Variants in EYS observed in about 807,000 individuals in gnomAD.
EYS encodes the protein EGF-like photoreceptor maintenance factor, also known as protein eyes shut homolog.
EYS carries 250 observed loss-of-function variants against 282.1 expected under a neutral mutation model. The observed-to-expected ratio is 0.89, with a 90% CI of 0.80 to 0.98. The LOEUF is 0.98. Ranked by LOEUF, EYS falls within the 50% of genes least tolerant of loss-of-function variation. The pLI is 0.00. For synonymous variants in EYS, 1,355 were observed against 1,282.9 expected (o/e 1.06, Z -1.20); for missense variants, 4,016 against 3,709.0 (o/e 1.08, Z -2.15).
chr6:64,824,414 A>T (rs559165448), intron 19 of EYS, among the ~76,000 whole-genome samples: 14 of 152,104 alleles, frequency 9.2e-5, no homozygotes, highest in Non-Finnish European at 1.9e-4. Context: ...ATGATAGAGT[A>T]TAGGCATGCA....
chr6:64,313,204 GA>G, intron 29 of EYS, among the ~76,000 whole-genome samples: 1 of 152,248 alleles, frequency 6.6e-6, no homozygotes, highest in South Asian at 2.1e-4. Flanking sequence ...TGATGGAGCT[GA>G]AAAACACAGC....
intron 33 of EYS, among the ~76,000 whole-genome samples, chr6:64,004,085 G>C (rs1365175695): frequency 6.6e-6 from 1 of 152,088 alleles, no homozygotes; most frequent in Non-Finnish European, 1.5e-5. Flanking sequence ...ACTTATGTTA[G>C]ACATTTTTTG....
chr6:64,923,019 T>C (rs919120716), intron 15 of EYS, among the ~76,000 whole-genome samples: 1 of 152,158 alleles, frequency 6.6e-6, no homozygotes, highest in African/African-American at 2.4e-5. Flanking sequence ...TTACTTTTTT[T>C]GGGGTGGGAC....
At chr6:64,769,970 T>G (rs1204608443) in intron 22 of EYS, among the ~76,000 whole-genome samples, 2 of 152,002 alleles carry the variant, frequency 1.3e-5, no homozygotes, top group Non-Finnish European at 2.9e-5. Flanking sequence ...TGTAAATATA[T>G]ATAAATATAA....
At position 64,591,826 on chromosome 6, in the gene EYS, A is replaced by G; in HGVS notation, c.4041T>C (p.Ser1347=). 1 of 1,551,312 alleles carries G rather than the reference A, an allele frequency of 6.4e-7. No homozygotes were observed. Among genetic ancestry groups the G allele is most frequent in the Non-Finnish European group, 8.7e-7 (1 of 1,146,726 alleles). ...GAATACCAAAATTCAGGAATCGAGAAGAGGAAACATCTGCGGAAGAAAGAA... is the reference window on the plus strand; with the variant it reads ...GAATACCAAAATTCAGGAATCGAGAGGAGGAAACATCTGCGGAAGAAAGAA... ...HSLLSSADVS[S]SRFLNFGIRD... The change falls in exon 26 of 43, where the codon TCT becomes TCC. Residue 1347 remains serine (S), a synonymous_variant. Coordinates refer to ENST00000503581, the MANE Select transcript of EYS (RefSeq NM_001142800.2).
At chr6:64,965,908 G>T (rs147889893) in intron 14 of EYS, among the ~76,000 whole-genome samples, 9 of 151,980 alleles carry the variant, frequency 5.9e-5, no homozygotes, top group Non-Finnish European at 1.2e-4. Context: ...AAAAGGCAGC[G>T]ACTTTAAGAA....
chr6:63,769,401 T>C (rs757269346), intron 40 of EYS, among the ~76,000 whole-genome samples: 15 of 152,022 alleles, frequency 9.9e-5, no homozygotes, highest in Admixed American at 3.3e-4. Flanking sequence ...CACATGCACC[T>C]GGCATACAAT....
intron 31 of EYS, among the ~76,000 whole-genome samples, chr6:64,097,681 C>G (rs1415466235): frequency 6.6e-6 from 1 of 152,134 alleles, no homozygotes; most frequent in Admixed American, 6.5e-5. Context: ...GAAGGGAATT[C>G]CCTGACCCCT....
At chr6:64,465,631 A>C (rs2150488453) in intron 26 of EYS, among the ~76,000 whole-genome samples, 1 of 152,240 alleles carries the variant, frequency 6.6e-6, no homozygotes, top group African/African-American at 2.4e-5. Context: ...TAAGACCTGA[A>C]ACTGTAAAAT....
At chr6:64,156,262 G>C (rs1234521888) in intron 31 of EYS, among the ~76,000 whole-genome samples, 1 of 151,976 alleles carries the variant, frequency 6.6e-6, no homozygotes, top group Non-Finnish European at 1.5e-5. Context: ...TTTTATCAGA[G>C]GTTTCTGCTT....
At chr6:64,200,820 T>A (rs1447138514) in intron 31 of EYS, among the ~76,000 whole-genome samples, 2 of 152,114 alleles carry the variant, frequency 1.3e-5, no homozygotes, top group Non-Finnish European at 2.9e-5. Context: ...TATATAAACA[T>A]TAGTCCACAC....
chr6:63,924,578 G>T (rs919014874), intron 35 of EYS, among the ~76,000 whole-genome samples: 8 of 152,158 alleles, frequency 5.3e-5, no homozygotes, highest in Non-Finnish European at 1.0e-4. Context: ...AACTATTTTT[G>T]GGGGGTTATC....
intron 31 of EYS, among the ~76,000 whole-genome samples, chr6:64,119,705 CT>C (rs1437399189): frequency 6.6e-6 from 1 of 152,110 alleles, no homozygotes; most frequent in African/African-American, 2.4e-5. Flanking sequence ...TTTAATTCAA[CT>C]TTTTTATTTG....
intron 24 of EYS, among the ~76,000 whole-genome samples, chr6:64,613,502 G>T (rs1258241445): frequency 1.3e-5 from 2 of 152,076 alleles, no homozygotes; most frequent in Non-Finnish European, 2.9e-5. Context: ...ACTCTTCTTA[G>T]ATTTTTAAGA....
At chr6:64,792,112 G>C (rs1236730292) in intron 22 of EYS, among the ~76,000 whole-genome samples, 1 of 151,394 alleles carries the variant, frequency 6.6e-6, no homozygotes, top group Non-Finnish European at 1.5e-5. Context: ...CACACTTTTG[G>C]GTATTCAAAC....
chr6:64,918,043 C>T (rs1046104958), intron 15 of EYS, among the ~76,000 whole-genome samples: 2 of 151,858 alleles, frequency 1.3e-5, no homozygotes, highest in African/African-American at 4.8e-5. Flanking sequence ...ATTGTTTTGT[C>T]TATTAACCTA....
intron 26 of EYS, among the ~76,000 whole-genome samples, chr6:64,518,214 G>C (rs1396328276): frequency 2.0e-5 from 3 of 151,750 alleles, no homozygotes; most frequent in Admixed American, 1.3e-4. Context: ...TCTCTATGCA[G>C]TCTAAGAAAT....
Position 64,912,649 on chromosome 6 carries a change from C to T in EYS, c.2476G>A (p.Glu826Lys). The change falls in exon 16 of 43, where the codon GAA (glutamate) becomes AAA (lysine). Residue 826 changes from glutamate to lysine, a missense_variant. By Grantham distance (56) the Glu-to-Lys change is moderately conservative. Coordinates refer to ENST00000503581, the MANE Select transcript of EYS (RefSeq NM_001142800.2). ...DPCMNGGLCH[E>K]STIPGQFVCL... Reference sequence around the variant, plus strand: ...ACAAATTGTCCAGGGATGGTAGATTCATGACAAAGACCTCCATTCATGCAT... The same window carrying T: ...ACAAATTGTCCAGGGATGGTAGATTTATGACAAAGACCTCCATTCATGCAT... 6.5e-7 allele frequency: 1 copy of T among 1,549,288 alleles called. No individual in the cohort carries two copies. Among genetic ancestry groups the T allele is most frequent in the Middle Eastern group, 1.7e-4 (1 of 5,978 alleles).
At position 65,673,454 on chromosome 6, in the gene EYS, G is replaced by A. The variant is rs1290990709; in HGVS notation, c.-447-33562C>T. 4.6e-5 allele frequency among the ~76,000 whole-genome samples: 7 copies of A among 152,202 alleles called. No homozygotes were observed. In the East Asian group the frequency reaches 1.4e-3, roughly 30 times the overall value. On this transcript the variant is annotated intron_variant, in intron 1 of 42. Coordinates refer to ENST00000503581, the MANE Select transcript of EYS (RefSeq NM_001142800.2). The stretch of plus-strand genomic sequence containing the variant: ...AACAGAAGATACAAGGTCTGAATAA[G>A]AGAAAGAGAAAAACAGGTATTTAAG...
Sources: gnomAD v4.1 joint callset for allele counts (sites outside exome capture counted in the v4.1 genomes callset) on GRCh38, gnomAD v4.1.1 for gene constraint, MANE v1.5 for transcripts, NCBI Gene and HGNC (gene_info 2026-07-23, HGNC 2026-07-21) for gene names.